Variants in WWOX observed in about 807,000 individuals in gnomAD.
WWOX encodes the protein WW domain containing oxidoreductase.
A neutral mutation model predicts 46.2 loss-of-function variants in WWOX; 69 were observed. The observed-to-expected ratio is 1.49, with a 90% CI of 1.23 to 1.82. The LOEUF (loss-of-function observed/expected upper bound fraction) is 1.82. Ranked by LOEUF, WWOX falls within the 40% of genes most tolerant of loss-of-function variation. The pLI is 0.00. For synonymous variants in WWOX, 359 were observed against 202.6 expected (o/e 1.77, Z -6.56); for missense variants, 919 against 542.6 (o/e 1.69, Z -6.89).
chr16:79,149,257 C>G (rs142800848), intron 8 of WWOX, among the ~76,000 whole-genome samples: 1 of 152,088 alleles, frequency 6.6e-6, no homozygotes, highest in African/African-American at 2.4e-5. Context: ...TGGGTGTGTA[C>G]TTTTTATCAA....
chr16:78,673,994 T>C (rs1391596120), intron 8 of WWOX, among the ~76,000 whole-genome samples: 2 of 152,144 alleles, frequency 1.3e-5, no homozygotes, highest in Non-Finnish European at 2.9e-5. Flanking sequence ...AGAAGTTTAC[T>C]AAAACCTGCA....
intron 8 of WWOX, among the ~76,000 whole-genome samples, chr16:78,567,085 T>G (rs928912757): frequency 6.6e-6 from 1 of 152,182 alleles, no homozygotes; most frequent in African/African-American, 2.4e-5. Flanking sequence ...TTCATCATTC[T>G]CAGTATCAGA....
At chr16:78,367,712 C>A (rs1434340290) in intron 5 of WWOX, among the ~76,000 whole-genome samples, 2 of 151,780 alleles carry the variant, frequency 1.3e-5, no homozygotes, top group Non-Finnish European at 2.9e-5. Context: ...ATTGACTTGT[C>A]ACAATGGACG....
intron 8 of WWOX, among the ~76,000 whole-genome samples, chr16:79,043,504 G>A (rs1211855374): frequency 6.6e-6 from 1 of 152,104 alleles, no homozygotes. Context: ...GAAGTCCAGG[G>A]GTAGACGTGA....
chr16:78,472,546 C>T (rs895928907), intron 8 of WWOX, among the ~76,000 whole-genome samples: 1 of 152,168 alleles, frequency 6.6e-6, no homozygotes, highest in East Asian at 1.9e-4. Flanking sequence ...CAGTGGCTCA[C>T]GCCTGTAATC....
intron 8 of WWOX, among the ~76,000 whole-genome samples, chr16:78,872,447 G>T (rs2044148468): frequency 6.6e-6 from 1 of 152,198 alleles, no homozygotes; most frequent in African/African-American, 2.4e-5. Flanking sequence ...ATGCCAGGCT[G>T]AGAGATGAGA....
chr16:78,614,501 G>C (rs532475317), intron 8 of WWOX, among the ~76,000 whole-genome samples: 2 of 152,332 alleles, frequency 1.3e-5, no homozygotes, highest in East Asian at 3.9e-4. Flanking sequence ...CCCTGTTCAC[G>C]GTGTGTGTCC....
chr16:78,099,990 C>T, intron 1 of WWOX, 105 bp downstream of exon 1: 2 of 1,512,858 alleles, frequency 1.3e-6, no homozygotes, highest in Non-Finnish European at 1.8e-6. Flanking sequence ...GCGTGCGGTG[C>T]AAAGTGAAAG....
intron 8 of WWOX, among the ~76,000 whole-genome samples, chr16:78,945,931 G>A (rs557213023): frequency 5.9e-5 from 9 of 152,104 alleles, no homozygotes; most frequent in East Asian, 3.9e-4. Context: ...ATCTCACCAC[G>A]TAGTCATTTT....
At chr16:78,627,084 TTC>T (rs1408979499) in intron 8 of WWOX, among the ~76,000 whole-genome samples, 1 of 152,128 alleles carries the variant, frequency 6.6e-6, no homozygotes, top group Non-Finnish European at 1.5e-5. Context: ...CTACTATAAT[TTC>T]TGGAATCTCA....
intron 8 of WWOX, among the ~76,000 whole-genome samples, chr16:78,978,620 G>GGGCGC (rs1413409570): frequency 1.3e-5 from 2 of 152,112 alleles, no homozygotes; most frequent in African/African-American, 4.8e-5. Context: ...CTGCTACTGG[G>GGGCGC]GGCGCCTCAG....
At chr16:79,031,394 C>T (rs74871679) in intron 8 of WWOX, among the ~76,000 whole-genome samples, 1,527 of 151,956 alleles carry the variant, frequency 0.01, 14 homozygotes, top group African/African-American at 0.035. Flanking sequence ...AGGATTATCT[C>T]GAGTTGGTTT....
chr16:78,768,422 T>A (rs1412325515), intron 8 of WWOX, among the ~76,000 whole-genome samples: 2 of 151,786 alleles, frequency 1.3e-5, no homozygotes, highest in African/African-American at 2.4e-5. Flanking sequence ...AAACCCGCTC[T>A]CTACTAAAAA....
At chr16:79,001,246 C>T (rs772123621) in intron 8 of WWOX, among the ~76,000 whole-genome samples, 1 of 152,086 alleles carries the variant, frequency 6.6e-6, no homozygotes. Context: ...GGCAGCTTTG[C>T]CTCCTCTCCC....
intron 5 of WWOX, among the ~76,000 whole-genome samples, chr16:78,356,091 A>AAAAAAAAAAG (rs1281293467): frequency 1.3e-3 from 98 of 76,678 alleles, no homozygotes; most frequent in Non-Finnish European, 2.3e-3. Context: ...AAAAAAAAAA[A>AAAAAAAAAAG]AAGAAGAATC....
chr16:79,197,228 G>T (rs1252373835), intron 8 of WWOX, among the ~76,000 whole-genome samples: 2 of 152,102 alleles, frequency 1.3e-5, no homozygotes, highest in East Asian at 3.9e-4. Flanking sequence ...CATCCCAATG[G>T]CTTTATGACC....
intron 8 of WWOX, among the ~76,000 whole-genome samples, chr16:79,166,439 C>T (rs1457945697): frequency 6.6e-6 from 1 of 152,162 alleles, no homozygotes; most frequent in East Asian, 1.9e-4. Flanking sequence ...ATCCTCCCTC[C>T]TTTGTCACAG....
intron 8 of WWOX, among the ~76,000 whole-genome samples, chr16:78,828,369 C>T (rs74031703): frequency 3.9e-5 from 6 of 152,166 alleles, no homozygotes; most frequent in African/African-American, 7.2e-5. Flanking sequence ...GTGAGAAGAA[C>T]GGATACGGTT....
chr16:78,918,103 G>A (rs939395726), intron 8 of WWOX, among the ~76,000 whole-genome samples: 2 of 152,012 alleles, frequency 1.3e-5, no homozygotes, highest in Non-Finnish European at 2.9e-5. Flanking sequence ...TCAGGAGGCT[G>A]AGGTGGGAGG....
Sources: allele counts gnomAD v4.1 joint callset (sites outside exome capture counted in the v4.1 genomes callset), GRCh38; gene constraint gnomAD v4.1.1; transcripts MANE v1.5; gene names NCBI Gene and HGNC (gene_info 2026-07-23, HGNC 2026-07-21).